Variants in NALF1 observed in about 807,000 individuals in gnomAD.
NALF1 encodes family with sequence similarity 155 member A.
A neutral mutation model predicts 48.4 loss-of-function variants in NALF1; 3 were observed. The ratio of observed to expected loss-of-function variants is 0.06; its 90% CI spans 0.03 to 0.16. NALF1 has a LOEUF of 0.16. Ranked by LOEUF, NALF1 falls within the 10% of genes least tolerant of loss-of-function variation. The probability of loss-of-function intolerance (pLI) is 1.00; values close to 1 mark genes in which losing one functional copy is unlikely to be tolerated. For missense variants in NALF1, 526 were observed against 571.5 expected (o/e 0.92, Z 0.81); for synonymous variants, 262 against 245.7 (o/e 1.07, Z -0.62).
intron 1 of NALF1, among the ~76,000 whole-genome samples, chr13:107,230,124 G>A (rs1566458156): frequency 6.6e-6 from 1 of 152,294 alleles, no homozygotes; most frequent in East Asian, 1.9e-4. Context: ...TTTATGGATA[G>A]AAACACTTTT....
intron 1 of NALF1, among the ~76,000 whole-genome samples, chr13:107,484,853 C>A (rs1885303612): frequency 6.6e-6 from 1 of 152,100 alleles, no homozygotes; most frequent in African/African-American, 2.4e-5. Flanking sequence ...GCAGGGAAAG[C>A]CAGCAGAGAA....
chr13:107,490,929 C>G (rs73594740), intron 1 of NALF1, among the ~76,000 whole-genome samples: 3,091 of 152,212 alleles, frequency 0.02, 99 homozygotes, highest in African/African-American at 0.07. Flanking sequence ...GACACCTGTG[C>G]CCCTAACCCA....
At chr13:107,736,659 T>C (rs927099817) in intron 1 of NALF1, among the ~76,000 whole-genome samples, 2 of 152,192 alleles carry the variant, frequency 1.3e-5, no homozygotes, top group African/African-American at 4.8e-5. Context: ...AATGGTCTCT[T>C]CTTTTCAGCT....
At chr13:107,219,949 G>C (rs1287108114) in intron 1 of NALF1, among the ~76,000 whole-genome samples, 1 of 152,178 alleles carries the variant, frequency 6.6e-6, no homozygotes, top group Non-Finnish European at 1.5e-5. Flanking sequence ...TATAGAACTA[G>C]AATATATAAT....
At chr13:107,425,112 A>C (rs1884257577) in intron 1 of NALF1, among the ~76,000 whole-genome samples, 1 of 152,208 alleles carries the variant, frequency 6.6e-6, no homozygotes, top group East Asian at 1.9e-4. Context: ...ACATTACGAA[A>C]GAAAGTTGAT....
At chr13:107,360,739 A>G (rs1039875055) in intron 1 of NALF1, among the ~76,000 whole-genome samples, 4 of 152,188 alleles carry the variant, frequency 2.6e-5, no homozygotes, top group Non-Finnish European at 4.4e-5. Context: ...AATGTAATCA[A>G]ATTGCCTTTA....
intron 1 of NALF1, among the ~76,000 whole-genome samples, chr13:107,704,452 T>A (rs559121266): frequency 8.0e-4 from 122 of 152,292 alleles, no homozygotes; most frequent in African/African-American, 2.9e-3. Context: ...TTTCCTCAAA[T>A]TTAGATTAAC....
At chr13:107,782,287 G>A (rs879665780) in intron 1 of NALF1, among the ~76,000 whole-genome samples, 2 of 152,190 alleles carry the variant, frequency 1.3e-5, no homozygotes, top group African/African-American at 2.4e-5. Context: ...GCTCCTTACC[G>A]CGAGTGATCC....
intron 1 of NALF1, among the ~76,000 whole-genome samples, chr13:107,756,654 C>T (rs1021578644): frequency 3.3e-5 from 5 of 151,968 alleles, no homozygotes; most frequent in African/African-American, 4.8e-5. Flanking sequence ...CTTAAATGAT[C>T]GCTTATGGCC....
At chr13:107,246,830 G>A (rs1299698286) in intron 1 of NALF1, among the ~76,000 whole-genome samples, 1 of 152,060 alleles carries the variant, frequency 6.6e-6, no homozygotes, top group Non-Finnish European at 1.5e-5. Context: ...AGAGGAAAGG[G>A]GAGAATTTCA....
intron 1 of NALF1, among the ~76,000 whole-genome samples, chr13:107,529,001 T>C (rs1204366563): frequency 6.6e-6 from 1 of 152,176 alleles, no homozygotes; most frequent in Admixed American, 6.5e-5. Flanking sequence ...ACCCTGCTTA[T>C]TTTCCAATAA....
intron 1 of NALF1, among the ~76,000 whole-genome samples, chr13:107,452,473 ATCTCATGAGAACTCACTCAC>A (rs1431911362): frequency 6.6e-6 from 1 of 152,166 alleles, no homozygotes; most frequent in African/African-American, 2.4e-5. Context: ...AAACCATCAG[ATCTCATGAGAACTCACTCAC>A]TATCATGAGA....
intron 1 of NALF1, among the ~76,000 whole-genome samples, chr13:107,223,281 C>A (rs939993404): frequency 6.6e-6 from 1 of 152,018 alleles, no homozygotes; most frequent in African/African-American, 2.4e-5. Context: ...CATACACACA[C>A]ATATATATAA....
At chr13:107,814,892 A>C (rs1414232338) in intron 1 of NALF1, among the ~76,000 whole-genome samples, 1 of 152,126 alleles carries the variant, frequency 6.6e-6, no homozygotes, top group Non-Finnish European at 1.5e-5. Flanking sequence ...TCTCAAGTGC[A>C]CATGGAAATC....
intron 1 of NALF1, among the ~76,000 whole-genome samples, chr13:107,751,999 C>T (rs530798979): frequency 6.6e-6 from 1 of 151,890 alleles, no homozygotes; most frequent in Admixed American, 6.6e-5. Flanking sequence ...AAATTTCAAA[C>T]ATATTAATAT....
At chr13:107,507,927 T>C (rs1021463541) in intron 1 of NALF1, among the ~76,000 whole-genome samples, 1 of 152,136 alleles carries the variant, frequency 6.6e-6, no homozygotes, top group Non-Finnish European at 1.5e-5. Context: ...TGTGTCATCA[T>C]CTCCCAAGCC....
At chr13:107,687,158 G>A (rs1337769643) in intron 1 of NALF1, among the ~76,000 whole-genome samples, 1 of 152,176 alleles carries the variant, frequency 6.6e-6, no homozygotes, top group East Asian at 1.9e-4. Context: ...GAACATGGAT[G>A]CAGCTAGAGG....
intron 1 of NALF1, among the ~76,000 whole-genome samples, chr13:107,709,555 T>C (rs9520558): frequency 0.9 from 136,463 of 152,294 alleles, 61,615 homozygotes; most frequent in East Asian, 1. Flanking sequence ...TAGTCTAGAT[T>C]GCAACCATAT....
chr13:107,546,293 GTCC>G (rs1478815091), intron 1 of NALF1, among the ~76,000 whole-genome samples: 2 of 152,142 alleles, frequency 1.3e-5, no homozygotes, highest in African/African-American at 4.8e-5. Flanking sequence ...TACTGCATTT[GTCC>G]TCAAGGCAGG....
Sources: allele counts gnomAD v4.1 joint callset (sites outside exome capture counted in the v4.1 genomes callset), GRCh38; gene constraint gnomAD v4.1.1; transcripts MANE v1.5; gene names NCBI Gene and HGNC (gene_info 2026-07-23, HGNC 2026-07-21).